The following SLC23A2 variants were observed in gnomAD, a reference collection of about 807,000 sequenced individuals.
SLC23A2 encodes the protein solute carrier family 23 member 2, also known as Na(+)/L-ascorbic acid transporter 2.
A neutral mutation model predicts 73.3 loss-of-function variants in SLC23A2; 36 were observed. The observed-to-expected ratio is 0.49, with a 90% CI of 0.38 to 0.65. The LOEUF is 0.65. SLC23A2 is among the 30% of genes least tolerant of loss of function. The pLI is 0.00. For missense variants in SLC23A2, 507 were observed against 841.6 expected (o/e 0.60, Z 4.92); for synonymous variants, 343 against 327.3 (o/e 1.05, Z -0.52).
chr20:4,860,572 A>C (rs1253325721), intron 15 of SLC23A2, among the ~76,000 whole-genome samples: 1 of 152,222 alleles, frequency 6.6e-6, no homozygotes, highest in East Asian at 1.9e-4. Context: ...AGTATTTGCT[A>C]ATACTGCTTG....
At position 4,869,923 on chromosome 20, in the gene SLC23A2, G is replaced by C. The variant is rs762763708; in HGVS notation, c.1233C>G (p.Pro411=). The C allele has an allele frequency of 1.2e-5, 16 of 1,326,576 alleles. No homozygotes were observed. The highest frequency in any genetic ancestry group is 2.7e-5 in the East Asian group (1 of 36,946). 82.2% of individuals were successfully genotyped at this position (1,326,576 alleles called of 1,614,324 possible). A position where few individuals can be genotyped will look rare whatever the true frequency, so the allele number is the denominator to read the frequency against. Residue 411 remains proline (P), a synonymous_variant, in exon 12 of 17, where the codon CCC becomes CCG. Transcript: ENST00000338244. ...CARLSCAPPP[P]IHAINRGIFV... is the part of the protein sequence containing the mutation. ...GAACGTACCTGTTTATTGCGTGGAT[G>C]GGGGGGGGTGGGGCACAGGACAGCC...
intron 1 of SLC23A2, among the ~76,000 whole-genome samples, chr20:4,985,871 A>G (rs1390297509): frequency 6.6e-6 from 1 of 152,184 alleles, no homozygotes; most frequent in Non-Finnish European, 1.5e-5. Flanking sequence ...CACTAATGAC[A>G]GCCAGATGGT....
chr20:4,887,444 C>T (rs1237186067), intron 6 of SLC23A2, among the ~76,000 whole-genome samples: 3 of 152,172 alleles, frequency 2.0e-5, no homozygotes, highest in Non-Finnish European at 2.9e-5. Flanking sequence ...TGGTGAATTG[C>T]GTTTAGAGAT....
At chr20:4,993,443 C>T (rs1308132725) in intron 1 of SLC23A2, among the ~76,000 whole-genome samples, 1 of 143,204 alleles carries the variant, frequency 7.0e-6, no homozygotes, top group East Asian at 2.0e-4. Flanking sequence ...AACCCAAAAT[C>T]CAAAACACTT....
intron 2 of SLC23A2, among the ~76,000 whole-genome samples, chr20:4,961,005 G>T (rs1434530300): frequency 6.6e-6 from 1 of 151,314 alleles, no homozygotes; most frequent in South Asian, 2.1e-4. Context: ...TGCCTCCAGA[G>T]ATGGAAACTG....
chr20:4,875,674 G>C (rs1441066124), intron 9 of SLC23A2, among the ~76,000 whole-genome samples: 1 of 152,172 alleles, frequency 6.6e-6, no homozygotes, highest in East Asian at 1.9e-4. Context: ...TCGGTCTGGT[G>C]TCCCACGGGG....
intron 2 of SLC23A2, among the ~76,000 whole-genome samples, chr20:4,956,800 CTTT>C (rs759658782): frequency 4.5e-5 from 5 of 111,924 alleles, no homozygotes; most frequent in African/African-American, 1.4e-4. Context: ...CTTCCCTCTT[CTTT>C]TTTTTTTTTT....
chr20:4,938,112 C>T (rs2086988614), intron 2 of SLC23A2, among the ~76,000 whole-genome samples: 1 of 151,190 alleles, frequency 6.6e-6, no homozygotes, highest in African/African-American at 2.4e-5. Context: ...TTCACTGCAG[C>T]CTTGACTTCC....
chr20:4,869,584 G>A (rs1246531883), intron 12 of SLC23A2: 8 of 266,720 alleles, frequency 3.0e-5, no homozygotes, highest in Non-Finnish European at 5.7e-5. Context: ...AAGAACAAGT[G>A]CAGTGCTTGG....
chr20:4,876,591 G>A (rs574248753), intron 9 of SLC23A2, among the ~76,000 whole-genome samples: 6 of 152,098 alleles, frequency 3.9e-5, no homozygotes, highest in Non-Finnish European at 8.8e-5. Context: ...TCTCAGGATG[G>A]GCTGCTGTCT....
At chr20:4,913,937 G>A (rs908172899) in intron 3 of SLC23A2, among the ~76,000 whole-genome samples, 2 of 151,878 alleles carry the variant, frequency 1.3e-5, no homozygotes, top group East Asian at 3.9e-4. Flanking sequence ...CAAATAACTA[G>A]TTATAGGCCA....
rs377404691 is a variant in SLC23A2, at chr20:5,007,113, A to G, written c.-282+3069T>C. On this transcript the variant is annotated intron_variant, in intron 1 of 16. Transcript: ENST00000379333. ...ATCTATGAGATAGGCACCGTATAGC[A>G]TGTATACCACGTAGGCTTCTCCCCA... Among the ~76,000 whole-genome samples, 79 of 152,222 alleles carry G rather than the reference A, an allele frequency of 5.2e-4. No homozygotes were observed. In the East Asian group the frequency reaches 0.013, roughly 25 times the overall value.
intron 1 of SLC23A2, among the ~76,000 whole-genome samples, chr20:4,981,247 T>C (rs2087721496): frequency 6.6e-6 from 1 of 152,186 alleles, no homozygotes; most frequent in African/African-American, 2.4e-5. Flanking sequence ...TCAGGAGAAC[T>C]GCATCACAGG....
Position 4,859,359 on chromosome 20 carries a change from C to T in SLC23A2, c.1650G>A (p.Leu550=). The T allele has an allele frequency of 1.2e-6, 2 of 1,612,874 alleles. No homozygotes were observed. Among genetic ancestry groups the T allele is most frequent in the South Asian group, 2.2e-5 (2 of 91,056 alleles). ...VTGITGIDQV[L]NVLLTTAMFV... ...ACATAGCAGTTGTGAGAAGGACGTT[C>T]AACACTTGATCGATTCCTGTTATCC... Residue 550 remains leucine, a synonymous_variant, in exon 16 of 17, where the codon TTG becomes TTA. Coordinates refer to ENST00000338244, the MANE Select transcript of SLC23A2 (RefSeq NM_005116.6).
chr20:4,861,323 G>A (rs1053320271), intron 15 of SLC23A2, among the ~76,000 whole-genome samples: 3 of 152,152 alleles, frequency 2.0e-5, no homozygotes, highest in African/African-American at 7.2e-5. Flanking sequence ...CACTGTACTA[G>A]ATGCCATTGA....
intron 1 of SLC23A2, among the ~76,000 whole-genome samples, chr20:4,994,342 T>C (rs1474808704): frequency 1.3e-5 from 2 of 152,062 alleles, no homozygotes; most frequent in Non-Finnish European, 2.9e-5. Flanking sequence ...CAGAATGAGA[T>C]CCATGTTTGA....
chr20:4,886,166 C>T (rs545323154), intron 6 of SLC23A2, among the ~76,000 whole-genome samples: 1 of 152,352 alleles, frequency 6.6e-6, no homozygotes, highest in African/African-American at 2.4e-5. Context: ...TGCCAACACC[C>T]CAACACCGGC....
intron 3 of SLC23A2, among the ~76,000 whole-genome samples, chr20:4,918,182 A>G (rs994320655): frequency 6.6e-5 from 10 of 152,230 alleles, no homozygotes; most frequent in Non-Finnish European, 1.3e-4. Context: ...CTTTTGGGTA[A>G]CTAATAGATA....
rs1394699358 is a variant in SLC23A2 at position 4,947,281 on chromosome 20, G to GA, written c.-154-14566dup. On this transcript the variant is annotated intron_variant, in intron 2 of 16. Coordinates refer to ENST00000338244, the MANE Select transcript of SLC23A2 (RefSeq NM_005116.6). This position sits in a 1 kb window ranked among gnomAD's most constrained non-coding sequence, Gnocchi z 4.4. ...CAGGGAAATCTTGTGGCTGGGACGT[G>GA]AAAGGGGAAAGGGAGGGGCAGTATA... 2.0e-5 allele frequency among the ~76,000 whole-genome samples: 3 copies of GA among 152,214 alleles called. No individual in the cohort carries two copies. The highest frequency in any genetic ancestry group is 7.2e-5 in the African/African-American group (3 of 41,448).
Sources: allele counts gnomAD v4.1 joint callset (sites outside exome capture counted in the v4.1 genomes callset), GRCh38; gene constraint gnomAD v4.1.1; non-coding constraint Gnocchi (gnomAD v3.1); transcripts MANE v1.5; gene names NCBI Gene and HGNC (gene_info 2026-07-23, HGNC 2026-07-21).